The following TRRAP variants were observed in gnomAD, a reference collection of about 807,000 sequenced individuals.
The protein encoded by TRRAP is transformation/transcription domain-associated protein.
Under a neutral mutation model 438.8 loss-of-function variants are expected in TRRAP, and 41 were observed. The observed-to-expected ratio is 0.09, with a 90% confidence interval of 0.07 to 0.12. The LOEUF is 0.12. Ranked by LOEUF, TRRAP falls within the 10% of genes least tolerant of loss-of-function variation. TRRAP has a pLI of 1.00. For missense variants in TRRAP, 3,122 were observed against 5,055.1 expected (o/e 0.62, Z 11.60); for synonymous variants, 1,994 against 1,962.9 (o/e 1.02, Z -0.42).
At chr7:98,891,579 A>C (rs1207581349) in intron 4 of TRRAP, among the ~76,000 whole-genome samples, 2 of 130,004 alleles carry the variant, frequency 1.5e-5, no homozygotes, top group African/African-American at 3.0e-5. Flanking sequence ...TCTGTTTCCC[A>C]GGCTGAAGTG....
At chr7:98,979,082 T>TA (rs1160401860) in intron 58 of TRRAP, among the ~76,000 whole-genome samples, 178 bp downstream of exon 58, 3 of 152,240 alleles carry the variant, frequency 2.0e-5, no homozygotes, top group African/African-American at 7.2e-5. Context: ...ATGACACTTT[T>TA]ACAAAATGAG....
At chr7:98,920,286 C>A (rs1225479095) in intron 20 of TRRAP, among the ~76,000 whole-genome samples, 2 of 152,000 alleles carry the variant, frequency 1.3e-5, no homozygotes, top group Non-Finnish European at 2.9e-5. Flanking sequence ...GCCTGGCCAA[C>A]AAGGTGAAAC....
chr7:98,971,153 A>T (rs1481325837), intron 52 of TRRAP, among the ~76,000 whole-genome samples: 5 of 151,936 alleles, frequency 3.3e-5, no homozygotes, highest in Non-Finnish European at 4.4e-5. Context: ...TCGAATTAAA[A>T]TTTTTTTCCT....
rs140773774 is a variant in TRRAP at position 98,957,040 on chromosome 7, T to C, written c.6231+507T>C. ...TCGTAGGCCTGAGGCTGAGCTCTTC[T>C]CCCACCCTCACCATCCCCCATCTTA... On this transcript the variant is annotated intron_variant, in intron 43 of 72. Transcript: ENST00000456197. Among the ~76,000 whole-genome samples the C allele has an allele frequency of 6.6e-5, 10 of 152,208 alleles. No individual in the cohort carries two copies. In the East Asian group the frequency reaches 1.9e-3, roughly 29 times the overall value.
chr7:98,908,676 C>T lies in TRRAP; in HGVS notation c.1116-52C>T, dbSNP rs1796904942. The T allele has an allele frequency of 2.7e-6, 4 of 1,503,618 alleles. No individual in the cohort carries two copies. The African/African-American group carries it at 4.2e-5, about 16-fold the overall frequency. 93.1% of individuals were successfully genotyped at this position (1,503,618 alleles called of 1,614,324 possible). A position where few individuals can be genotyped will look rare whatever the true frequency, so the allele number is the denominator to read the frequency against. On this transcript the variant is annotated intron_variant, in intron 13 of 72. Coordinates refer to ENST00000456197, the MANE Select transcript of TRRAP (RefSeq NM_001375524.1). This position sits in a 1 kb window ranked among gnomAD's most constrained non-coding sequence, Gnocchi z 4.1. ...TGGTGATATCCTTGGTGGCCTGCTG[C>T]AGCAGGCATGGCCACGTGGGAATGA... is the stretch of plus-strand genomic sequence containing the variant.
intron 62 of TRRAP, among the ~76,000 whole-genome samples, chr7:98,987,383 T>C (rs1207261278): frequency 6.6e-6 from 1 of 152,256 alleles, no homozygotes; most frequent in Non-Finnish European, 1.5e-5. Context: ...AGGTCTTCTT[T>C]AGTTTAATTC....
In TRRAP at chr7:98,994,981, C is replaced by T. The variant is rs1793582382; in HGVS notation, c.10309+133C>T. The T allele has an allele frequency of 7.6e-7, 1 of 1,319,998 alleles. No homozygotes were observed. The highest frequency in any genetic ancestry group is 1.0e-6 in the Non-Finnish European group (1 of 970,006). 81.8% of individuals were successfully genotyped at this position (1,319,998 alleles called of 1,614,324 possible). ...GGGCACACTGGTTACACTCTGTTTA[C>T]AGTGCAGACTTCAGAGTGCATAGCT... On this transcript the variant is annotated intron_variant, in intron 67 of 72. Coordinates refer to ENST00000456197, the MANE Select transcript of TRRAP (RefSeq NM_001375524.1). This position sits in a 1 kb window ranked among gnomAD's most constrained non-coding sequence, Gnocchi z 4.8.
chr7:98,976,344 T>C lies in TRRAP; in HGVS notation c.7959+76T>C, dbSNP rs1400960801. ...GGTAAGTATTCATAAAAGAACACAG[T>C]CTCGAACAAGTTTCAGAAAATGAGG... On this transcript the variant is annotated intron_variant, in intron 54 of 72. Transcript: ENST00000456197. This position sits in a 1 kb window ranked among gnomAD's most constrained non-coding sequence, Gnocchi z 4.6. The C allele has an allele frequency of 1.9e-6, 3 of 1,586,916 alleles. No homozygotes were observed. Among genetic ancestry groups the C allele is most frequent in the Non-Finnish European group, 2.6e-6 (3 of 1,167,594 alleles).
chr7:98,990,351 C>A, intron 63 of TRRAP, 104 bp from the exon 64 acceptor site: 3 of 1,210,610 alleles, frequency 2.5e-6, no homozygotes, highest in Non-Finnish European at 3.4e-6. Context: ...TTTTACATGG[C>A]CAGTAAAGCC....
chr7:98,956,152 T>C lies in TRRAP; in HGVS notation c.5944T>C (p.Tyr1982His), dbSNP rs1554419694. The C allele has an allele frequency of 6.2e-7, 1 of 1,611,318 alleles. No individual in the cohort carries two copies. Among genetic ancestry groups the C allele is most frequent in the East Asian group, 2.2e-5 (1 of 44,850 alleles). Reference protein sequence around the residue: ...HLIVQHFKVYYPVRHHLVQHM... With the variant: ...HLIVQHFKVYHPVRHHLVQHM... ...GCTGGCCCTGCGTCCGCAGGTGTACTACCCGGTACGGCACCACTTGGTGCA... is the reference window on the plus strand; with the variant it reads ...GCTGGCCCTGCGTCCGCAGGTGTACCACCCGGTACGGCACCACTTGGTGCA... The change falls in exon 42 of 73, where the codon TAC (tyrosine) becomes CAC (histidine). Residue 1982 changes from tyrosine to histidine, a missense_variant. Physicochemically the swap from Tyr to His is moderately conservative, Grantham distance 83 (BLOSUM62 2). Around this residue, in one of 24 missense-constraint regions of TRRAP, gnomAD observed 992 missense variants for 1,281.2 expected, o/e 0.77. Coordinates refer to ENST00000456197, the MANE Select transcript of TRRAP (RefSeq NM_001375524.1). This position sits in a 1 kb window ranked among gnomAD's most constrained non-coding sequence, Gnocchi z 4.5.
rs782299086 is a variant in TRRAP at position 98,957,991 on chromosome 7, G to A, written c.6242G>A (p.Arg2081Lys). The A allele has an allele frequency of 6.2e-7, 1 of 1,614,078 alleles. No individual in the cohort carries two copies. The highest frequency in any genetic ancestry group is 8.5e-7 in the Non-Finnish European group (1 of 1,179,990). Residue 2081 changes from arginine (R) to lysine (K), a missense_variant, in exon 44 of 73, where the codon AGG becomes AAG. Around this residue, in one of 24 missense-constraint regions of TRRAP, gnomAD observed 992 missense variants for 1,281.2 expected, o/e 0.77. Transcript: ENST00000456197. ...GAGGTCCTTTTCCAGGTCTTTGGGA[G>A]GAGCCAGTCGCTACCTGGAGCAGAC... is the stretch of plus-strand genomic sequence containing the variant. ...ATGAISAVFG[R>K]SQSLPGADSL...
intron 12 of TRRAP, among the ~76,000 whole-genome samples, chr7:98,904,021 G>A (rs1354254041): frequency 6.6e-6 from 1 of 152,040 alleles, no homozygotes; most frequent in African/African-American, 2.4e-5. Context: ...TGTTGGCCAG[G>A]CTGGTCTCGA....
intron 29 of TRRAP, 37 bp downstream of exon 29, chr7:98,937,314 G>T (rs1164818225): frequency 6.3e-7 from 1 of 1,596,266 alleles, no homozygotes; most frequent in Non-Finnish European, 8.5e-7. Context: ...GCACGCGTGT[G>T]TGCACACACA....
Position 98,925,263 on chromosome 7 carries a change from A to G in TRRAP, c.2975A>G (p.Asn992Ser), listed in dbSNP as rs781892964. ...HALYQLLAHP[N>S]FTEKTIPNVI... is the part of the protein sequence containing the mutation. ...CTCTACCAGCTCCTGGCACACCCCAAGTATGTCGGCCACTTCCTTCTGTGT... is the reference window on the plus strand; with the variant it reads ...CTCTACCAGCTCCTGGCACACCCCAGGTATGTCGGCCACTTCCTTCTGTGT... Residue 992 changes from asparagine to serine, a missense_variant and splice_region_variant, in exon 22 of 73, where the codon AAC (asparagine) becomes AGC (serine). Coordinates refer to ENST00000456197, the MANE Select transcript of TRRAP (RefSeq NM_001375524.1). 3.1e-6 allele frequency: 5 copies of G among 1,613,506 alleles called. No individual in the cohort carries two copies. Among genetic ancestry groups the G allele is most frequent in the East Asian group, 2.2e-5 (1 of 44,888 alleles).
In TRRAP at chr7:98,925,255, A is replaced by T. The variant is rs949843554; in HGVS notation, c.2967A>T (p.Ala989=). ...AGCACGCACTCTACCAGCTCCTGGC[A>T]CACCCCAAGTATGTCGGCCACTTCC... ...DNKHALYQLL[A]HPNFTEKTIP... is the part of the protein sequence containing the mutation. The change falls in exon 22 of 73, where the codon GCA becomes GCT. Residue 989 remains alanine, a synonymous_variant. Coordinates refer to ENST00000456197, the MANE Select transcript of TRRAP (RefSeq NM_001375524.1). 1 of 1,613,852 alleles carries T rather than the reference A, an allele frequency of 6.2e-7. No homozygotes were observed. Among genetic ancestry groups the T allele is most frequent in the Non-Finnish European group, 8.5e-7 (1 of 1,179,902 alleles).
chr7:98,970,012 G>C (rs1701374314), intron 51 of TRRAP, 100 bp from the exon 52 acceptor site: 1 of 1,438,792 alleles, frequency 7.0e-7, no homozygotes. Context: ...GACCTGCAGA[G>C]TCAGAGGTGC....
chr7:98,929,165 C>T (rs565407624), intron 23 of TRRAP, among the ~76,000 whole-genome samples: 1 of 152,184 alleles, frequency 6.6e-6, no homozygotes, highest in South Asian at 2.1e-4. Context: ...TGGTCTCATA[C>T]TCCTGACCTC....
intron 70 of TRRAP, 71 bp downstream of exon 70, chr7:99,008,632 CA>C: frequency 6.5e-7 from 1 of 1,544,422 alleles, no homozygotes; most frequent in Non-Finnish European, 8.8e-7. Flanking sequence ...TGCCTGGAGA[CA>C]GGGGTGTTTA....
chr7:98,885,306 C>T (rs1279809183), intron 3 of TRRAP, among the ~76,000 whole-genome samples: 1 of 151,716 alleles, frequency 6.6e-6, no homozygotes, highest in East Asian at 1.9e-4. Context: ...TCTGGTTGAA[C>T]TCTGGGCTCA....
Sources: allele counts gnomAD v4.1 joint callset (sites outside exome capture counted in the v4.1 genomes callset), GRCh38; gene constraint gnomAD v4.1.1; regional missense constraint gnomAD v4.1.1; non-coding constraint Gnocchi (gnomAD v3.1); transcripts MANE v1.5; gene names NCBI Gene and HGNC (gene_info 2026-07-23, HGNC 2026-07-21).